Variants in GPAT4 observed in about 807,000 individuals in gnomAD.
GPAT4 encodes the protein glycerol-3-phosphate acyltransferase 4, also known as 1-AGP acyltransferase 6.
A neutral mutation model predicts 58.0 loss-of-function variants in GPAT4; 17 were observed. The observed-to-expected ratio is 0.29, with a 90% CI of 0.20 to 0.44. The LOEUF is 0.44. Among genes scored for constraint, GPAT4 ranks in the 20% least tolerant of loss-of-function variants. The probability of loss-of-function intolerance (pLI) is 1.00; values close to 1 mark genes in which losing one functional copy is unlikely to be tolerated. For missense variants in GPAT4, 377 were observed against 574.5 expected, an observed-to-expected ratio of 0.66 and a Z score of 3.51; for synonymous variants, 204 against 210.1, an observed-to-expected ratio of 0.97 and a Z score of 0.25.
intron 2 of GPAT4, among the ~76,000 whole-genome samples, chr8:41,605,946 A>G (rs148999107): frequency 2.2e-3 from 337 of 152,290 alleles, no homozygotes; most frequent in African/African-American, 6.0e-3. Context: ...AGCAAGAGGG[A>G]AGCAATTCAA....
Position 41,618,798 on chromosome 8 carries a change from C to T in GPAT4, c.1168C>T (p.Pro390Ser), listed in dbSNP as rs1300781541. ...AIVCSVWYLP[P>S]MTREADEDAV... ...TGTCTGCAGCGTGTGGTACCTGCCT[C>T]CCATGACTAGAGAGGTGAGTGCCTG... Residue 390 changes from proline to serine, a missense_variant, in exon 11 of 13, where the codon CCC becomes TCC. By Grantham distance (74) the Pro-to-Ser change is moderately conservative. Coordinates refer to ENST00000396987, the MANE Select transcript of GPAT4 (RefSeq NM_178819.4). The T allele has an allele frequency of 2.5e-6, 4 of 1,614,216 alleles. No homozygotes were observed. Among genetic ancestry groups the T allele is most frequent in the Non-Finnish European group, 3.4e-6 (4 of 1,180,036 alleles).
At chr8:41,608,798 A>G (rs1302369845) in intron 2 of GPAT4, among the ~76,000 whole-genome samples, 1 of 143,400 alleles carries the variant, frequency 7.0e-6, no homozygotes, top group African/African-American at 2.7e-5. Context: ...TAGTGAATGT[A>G]AACTTGGGAA....
At position 41,598,945 on chromosome 8, in the gene GPAT4, TGTG is replaced by T. The variant is rs1803008945; in HGVS notation, c.-193_-191del. On this transcript the variant is annotated 5_prime_UTR_variant, in exon 2 of 13. Transcript: ENST00000396987. ...AGACCTGGCGTTTGCAGTTGCCTCC[TGTG>T]GCCGTGTTTTTCTGTCATTCTGTTC... The T allele has an allele frequency of 1.5e-6, 1 of 675,064 alleles. No individual in the cohort carries two copies. The highest frequency in any genetic ancestry group is 1.8e-5 in the African/African-American group (1 of 54,596). 41.8% of individuals were successfully genotyped at this position (675,064 alleles called of 1,614,324 possible). A position where few individuals can be genotyped will look rare whatever the true frequency, so the allele number is the denominator to read the frequency against.
At chr8:41,602,494 G>A (rs766767538) in intron 2 of GPAT4, among the ~76,000 whole-genome samples, 49 of 152,248 alleles carry the variant, frequency 3.2e-4, no homozygotes, top group Non-Finnish European at 2.2e-4. Flanking sequence ...GGGGCCTGGG[G>A]TGCTCCGGAA....
At chr8:41,595,357 T>C (rs546126497) in intron 1 of GPAT4, among the ~76,000 whole-genome samples, 1 of 142,760 alleles carries the variant, frequency 7.0e-6, no homozygotes, top group Non-Finnish European at 1.5e-5. Flanking sequence ...TTTTTTTACT[T>C]AGGATATTTC....
intron 2 of GPAT4, among the ~76,000 whole-genome samples, chr8:41,605,070 G>A (rs1277771391): frequency 6.6e-6 from 1 of 152,184 alleles, no homozygotes; most frequent in African/African-American, 2.4e-5. Context: ...TCCAGGTTTT[G>A]TCATTTTGGC....
In GPAT4 at chr8:41,595,325, CTTTTTTTTTTTT is replaced by C. The variant is rs61465079; in HGVS notation, c.-848-2950_-848-2939del. On this transcript the variant is annotated intron_variant, in intron 1 of 12. Coordinates refer to ENST00000396987, the MANE Select transcript of GPAT4 (RefSeq NM_178819.4). ...TTTCAGTGGTTAATGTTAAATCTTCCTTTTTTTTTTTTTTTTTTTTTTTTTTTTACTTAGGAT... is the reference window on the plus strand; with the variant it reads ...TTTCAGTGGTTAATGTTAAATCTTCCTTTTTTTTTTTTTTTTACTTAGGAT... Among the ~76,000 whole-genome samples the C allele has an allele frequency of 5.4e-4, 40 of 73,848 alleles. 1 individual carries two copies. The highest frequency in any genetic ancestry group is 3.4e-3 in the South Asian group (7 of 2,084). The allele number at this position is 73,848 out of a possible 152,430, so 48.4% of individuals were successfully genotyped here.
At chr8:41,580,908 C>G (rs1802493021) in intron 1 of GPAT4, among the ~76,000 whole-genome samples, 1 of 152,138 alleles carries the variant, frequency 6.6e-6, no homozygotes, top group African/African-American at 2.4e-5. Context: ...GTGGTTTCTG[C>G]TAAAGAAAAA....
chr8:41,600,040 T>TC (rs1404938424), intron 2 of GPAT4, among the ~76,000 whole-genome samples: 1 of 135,118 alleles, frequency 7.4e-6, no homozygotes, highest in Non-Finnish European at 1.6e-5. Flanking sequence ...TCTTTTCTTT[T>TC]TTTTTTTTTT....
intron 1 of GPAT4, among the ~76,000 whole-genome samples, chr8:41,590,690 G>A (rs1274574158): frequency 6.6e-6 from 1 of 152,202 alleles, no homozygotes; most frequent in Non-Finnish European, 1.5e-5. Context: ...GAAAGTGGAA[G>A]GAAATGTAAG....
chr8:41,616,587 G>T (rs1305870463), intron 10 of GPAT4, among the ~76,000 whole-genome samples: 1 of 152,184 alleles, frequency 6.6e-6, no homozygotes, highest in East Asian at 1.9e-4. Flanking sequence ...GAGCCACCCC[G>T]CTGGGCCTTC....
intron 7 of GPAT4, among the ~76,000 whole-genome samples, chr8:41,612,561 G>A (rs1041799743): frequency 5.9e-5 from 9 of 152,190 alleles, no homozygotes; most frequent in African/African-American, 1.7e-4. Context: ...CCCAGGGAGG[G>A]GCAGTTTTAC....
chr8:41,619,157 C>A, intron 12 of GPAT4, 180 bp downstream of exon 12: 1 of 711,584 alleles, frequency 1.4e-6, no homozygotes, highest in South Asian at 1.8e-5. Context: ...CCTTGGGGAA[C>A]CTGGATCAGG....
chr8:41,620,418 C>T (rs1406748666), intron 12 of GPAT4, among the ~76,000 whole-genome samples: 1 of 152,228 alleles, frequency 6.6e-6, no homozygotes, highest in African/African-American at 2.4e-5. Context: ...GAAGTCAGAA[C>T]ACGCGTTACC....
In GPAT4 at chr8:41,618,538, G is replaced by C. The variant is rs140496508; in HGVS notation, c.1054-146G>C. On this transcript the variant is annotated intron_variant, in intron 10 of 12. Coordinates refer to ENST00000396987, the MANE Select transcript of GPAT4 (RefSeq NM_178819.4). ...ACAGTCAGAACCGGCCACATGGAGA[G>C]GGGCTTCCACAGTACTCATGCAAGG... The C allele has an allele frequency of 9.0e-4, 905 of 1,001,874 alleles. 7 individuals carry two copies. In the African/African-American group the frequency reaches 0.014, roughly 15 times the overall value. The allele number at this position is 1,001,874 out of a possible 1,614,324, so 62.1% of individuals were successfully genotyped here. A position where few individuals can be genotyped will look rare whatever the true frequency, so the allele number is the denominator to read the frequency against.
intron 10 of GPAT4, 154 bp from the exon 11 acceptor site, chr8:41,618,530 C>T: frequency 7.4e-6 from 7 of 945,502 alleles, no homozygotes; most frequent in Non-Finnish European, 1.1e-5. Flanking sequence ...GAACCGGCCA[C>T]ATGGAGAGGG....
Position 41,611,955 on chromosome 8 carries a change from G to T in GPAT4, c.664G>T (p.Val222Leu). Residue 222 changes from valine (V) to leucine (L), a missense_variant, in exon 6 of 13, where the codon GTG (valine) becomes TTG (leucine). Physicochemically the swap from Val to Leu is conservative, Grantham distance 32. Transcript: ENST00000396987. Reference sequence around the variant, plus strand: ...TCACTTAATGTGTTACCGGATCTGCGTGCGAGCGCTGACAGCCATCATCAC... The same window carrying T: ...TCACTTAATGTGTTACCGGATCTGCTTGCGAGCGCTGACAGCCATCATCAC... Reference protein sequence around the residue: ...HVHLMCYRICVRALTAIITYH... With the variant: ...HVHLMCYRICLRALTAIITYH... 1.9e-6 allele frequency: 3 copies of T among 1,614,182 alleles called. No homozygotes were observed. The highest frequency in any genetic ancestry group is 2.5e-6 in the Non-Finnish European group (3 of 1,180,030).
chr8:41,589,135 G>C (rs1802726619), intron 1 of GPAT4, among the ~76,000 whole-genome samples: 1 of 152,236 alleles, frequency 6.6e-6, no homozygotes, highest in African/African-American at 2.4e-5. Context: ...AGACATCAAA[G>C]TCTGTATTAA....
At position 41,612,685 on chromosome 8, in the gene GPAT4, G is replaced by C. The variant is rs1451784496; in HGVS notation, c.796-160G>C. On this transcript the variant is annotated intron_variant, in intron 7 of 12. Coordinates refer to ENST00000396987, the MANE Select transcript of GPAT4 (RefSeq NM_178819.4). ...TAAAAGGAGAAGTTTAAGATTTGGG[G>C]AGTCTTGGTAGTGGTTTCTTGGCAG... The C allele has an allele frequency of 1.5e-5, 9 of 598,068 alleles. No individual in the cohort carries two copies. In the East Asian group the frequency reaches 2.6e-4, roughly 17 times the overall value. 37.0% of individuals were successfully genotyped at this position (598,068 alleles called of 1,614,324 possible).
Sources: allele counts gnomAD v4.1 joint callset (sites outside exome capture counted in the v4.1 genomes callset), GRCh38; gene constraint gnomAD v4.1.1; transcripts MANE v1.5; gene names NCBI Gene and HGNC (gene_info 2026-07-23, HGNC 2026-07-21).